SCARB2: variants seen among roughly 807,000 people sequenced by gnomAD.
SCARB2 encodes the protein lysosome membrane protein 2.
Under a neutral mutation model 58.6 loss-of-function variants are expected in SCARB2, and 29 were observed. The observed-to-expected ratio is 0.49, with a 90% CI of 0.37 to 0.67. The LOEUF is 0.67. Among genes scored for constraint, SCARB2 ranks in the 30% least tolerant of loss-of-function variants. The pLI is 0.00. For missense variants in SCARB2, 488 were observed against 578.5 expected (o/e 0.84, Z 1.60); for synonymous variants, 195 against 210.1 (o/e 0.93, Z 0.62).
chr4:76,171,508 T>G (rs1284041314), intron 7 of SCARB2, among the ~76,000 whole-genome samples: 1 of 152,190 alleles, frequency 6.6e-6, no homozygotes, highest in African/African-American at 2.4e-5. Flanking sequence ...CACTGGAGGA[T>G]AATCCTGGGG....
rs1285605208 is a variant in SCARB2, at chr4:76,160,252, T to C, written c.*1461A>G. ...TTCATTTGCTTACATTGAAATCCAG[T>C]TTTAAACAAAAAAAATCCTTTTGAA... On this transcript the variant is annotated 3_prime_UTR_variant, in exon 12 of 12. Transcript: ENST00000264896. 1 of 152,180 alleles carries C rather than the reference T, an allele frequency of 6.6e-6. No individual in the cohort carries two copies. The highest frequency in any genetic ancestry group is 1.5e-5 in the Non-Finnish European group (1 of 68,030). 9.4% of individuals were successfully genotyped at this position (152,180 alleles called of 1,614,324 possible).
intron 1 of SCARB2, among the ~76,000 whole-genome samples, chr4:76,207,644 T>C (rs1050722707): frequency 3.9e-5 from 6 of 152,210 alleles, no homozygotes; most frequent in Admixed American, 6.5e-5. Context: ...TAGTGTATAG[T>C]GTATAGATAG....
upstream of SCARB2, among the ~76,000 whole-genome samples, chr4:76,216,814 A>G (rs1230949931): frequency 6.6e-6 from 1 of 152,230 alleles, no homozygotes; most frequent in Non-Finnish European, 1.5e-5. Flanking sequence ...AAATGTGTTA[A>G]CATAAGACAG....
chr4:76,219,805 G>T (rs1733277567), intron 1 of SCARB2, among the ~76,000 whole-genome samples: 1 of 152,054 alleles, frequency 6.6e-6, no homozygotes, highest in Admixed American at 6.6e-5. Context: ...CACTAACCTG[G>T]TCCCCGCATG....
rs1287892295 is a variant in SCARB2, at chr4:76,195,804, C to A, written c.178G>T (p.Val60Leu). The A allele has an allele frequency of 6.2e-7, 1 of 1,613,750 alleles. No homozygotes were observed. The highest frequency in any genetic ancestry group is 8.5e-7 in the Non-Finnish European group (1 of 1,179,598). ...TTGAAGAAATAGAACTGAGTATACA[C>A]AGGCAGAGGGGGCTTCTCCCAGGAG... ...FDSWEKPPLP[V>L]YTQFYFFNVT... The change falls in exon 2 of 12, where the codon GTG (valine) becomes TTG (leucine). Residue 60 changes from valine (V) to leucine (L), a missense_variant. Physicochemically the swap from Val to Leu is conservative, Grantham distance 32 (BLOSUM62 1). Transcript: ENST00000264896.
chr4:76,226,013 G>A (rs779129254), intron 1 of SCARB2, among the ~76,000 whole-genome samples: 15 of 152,142 alleles, frequency 9.9e-5, no homozygotes, highest in Non-Finnish European at 1.5e-4. Flanking sequence ...GAATCCATCC[G>A]GTCCTGGACT....
intron 1 of SCARB2, among the ~76,000 whole-genome samples, chr4:76,227,033 G>T (rs1482316687): frequency 7.3e-5 from 11 of 150,782 alleles, no homozygotes; most frequent in Non-Finnish European, 1.5e-4. Flanking sequence ...ATCTAGTTCC[G>T]CCCTGACCTT....
chr4:76,174,715 G>A (rs930394128), intron 6 of SCARB2: 31 of 250,442 alleles, frequency 1.2e-4, no homozygotes, highest in Middle Eastern at 1.5e-3. Context: ...AACAGGCAGC[G>A]ATGGCCGTGG....
chr4:76,183,484 G>T (rs1417627957), intron 2 of SCARB2, among the ~76,000 whole-genome samples: 1 of 152,146 alleles, frequency 6.6e-6, no homozygotes, highest in African/African-American at 2.4e-5. Context: ...TATTATAAAG[G>T]ATATTACAAA....
intron 1 of SCARB2, among the ~76,000 whole-genome samples, chr4:76,221,443 C>T (rs914511812): frequency 7.9e-5 from 12 of 152,064 alleles, no homozygotes; most frequent in South Asian, 2.1e-4. Flanking sequence ...CTCAGCCTCC[C>T]GAGTAGCTGG....
At chr4:76,214,196 C>T (rs902878288), upstream of SCARB2, 1 of 453,762 alleles carries the variant, frequency 2.2e-6, no homozygotes, top group Admixed American at 2.4e-5. Flanking sequence ...TCTAGAGGCG[C>T]TCGCAAGTTA....
In SCARB2 at chr4:76,180,863, T is replaced by G. The variant is rs892780188; in HGVS notation, c.423+91A>C. On this transcript the variant is annotated intron_variant, in intron 3 of 11. Coordinates refer to ENST00000264896, the MANE Select transcript of SCARB2 (RefSeq NM_005506.4). ...ATATGTATATTTCAACATAACTTAA[T>G]GGCTCCTAAATGTAAAATCATAAAG... The G allele has an allele frequency of 5.5e-6, 6 of 1,093,916 alleles. No individual in the cohort carries two copies. The African/African-American group carries it at 9.5e-5, about 17-fold the overall frequency. The allele number at this position is 1,093,916 out of a possible 1,614,324, so 67.8% of individuals were successfully genotyped here.
At chr4:76,213,242 G>A (rs903953990) in intron 1 of SCARB2, 185 bp downstream of exon 1, 1 of 652,728 alleles carries the variant, frequency 1.5e-6, no homozygotes, top group South Asian at 1.7e-5. Context: ...GAACAGAGTC[G>A]GCTCCATCCT....
intron 1 of SCARB2, among the ~76,000 whole-genome samples, chr4:76,225,592 A>G (rs1466044478): frequency 6.6e-6 from 1 of 152,228 alleles, no homozygotes; most frequent in Non-Finnish European, 1.5e-5. Flanking sequence ...GGTTTTAATC[A>G]TAAAGCGATG....
At chr4:76,170,095 T>G (rs1732099149) in intron 7 of SCARB2, 110 bp from the exon 8 acceptor site, 1 of 899,962 alleles carries the variant, frequency 1.1e-6, no homozygotes, top group Non-Finnish European at 1.8e-6. Flanking sequence ...ACAAAAAAGC[T>G]ACATATAAAT....
In SCARB2 at chr4:76,174,504, G is replaced by A. The variant is rs76917908; in HGVS notation, c.825-191C>T. The A allele has an allele frequency of 6.7e-4, 405 of 600,382 alleles. No homozygotes were observed. In the African/African-American group the frequency reaches 6.8e-3, roughly 10 times the overall value. The allele number at this position is 600,382 out of a possible 1,614,324, so 37.2% of individuals were successfully genotyped here. ...CAGAAGATGAATTGTAGTGGAAGGTGTTTATTGTAGCAACGGTGATATCAT... is the reference window on the plus strand; with the variant it reads ...CAGAAGATGAATTGTAGTGGAAGGTATTTATTGTAGCAACGGTGATATCAT... On this transcript the variant is annotated intron_variant, in intron 6 of 11. Coordinates refer to ENST00000264896, the MANE Select transcript of SCARB2 (RefSeq NM_005506.4).
At chr4:76,225,903 T>C (rs1733389800) in intron 1 of SCARB2, among the ~76,000 whole-genome samples, 1 of 152,228 alleles carries the variant, frequency 6.6e-6, no homozygotes. Context: ...ACTGGCTTCA[T>C]GGAATGATTT....
chr4:76,168,311 T>C (rs764589859), intron 9 of SCARB2, 92 bp downstream of exon 9: 1 of 960,148 alleles, frequency 1.0e-6, no homozygotes, highest in Non-Finnish European at 1.7e-6. Flanking sequence ...CAGGCTTAGA[T>C]GAAGTAGGCT....
At chr4:76,205,001 T>G (rs1479379956) in intron 1 of SCARB2, among the ~76,000 whole-genome samples, 1 of 152,052 alleles carries the variant, frequency 6.6e-6, no homozygotes, top group Non-Finnish European at 1.5e-5. Context: ...ATTCAAGAGA[T>G]CTAATGTACA....
Sources: gnomAD v4.1 joint callset for allele counts (sites outside exome capture counted in the v4.1 genomes callset) on GRCh38, gnomAD v4.1.1 for gene constraint, MANE v1.5 for transcripts, NCBI Gene and HGNC (gene_info 2026-07-23, HGNC 2026-07-21) for gene names.